Variants in CDA observed in about 807,000 individuals in gnomAD.
CDA encodes the protein cytidine aminohydrolase.
In CDA, 7 loss-of-function variants were observed where a neutral mutation model predicts 15.0. That is an observed-to-expected ratio of 0.47 (90% CI 0.26 to 0.87). The LOEUF is 0.87. Ranked by LOEUF, CDA falls within the 40% of genes least tolerant of loss-of-function variation. CDA has a pLI of 0.15. For synonymous variants in CDA, 58 were observed against 73.0 expected (o/e 0.79, Z 1.05); for missense variants, 159 against 182.7 (o/e 0.87, Z 0.75).
chr1:20,592,722 G>C (rs920224689), intron 1 of CDA, among the ~76,000 whole-genome samples: 12 of 152,182 alleles, frequency 7.9e-5, no homozygotes, highest in African/African-American at 2.7e-4. Flanking sequence ...CTAGGACTGG[G>C]ACAGGTAGAA....
At chr1:20,599,600 G>C (rs1252053240) in intron 1 of CDA, among the ~76,000 whole-genome samples, 1 of 43,474 alleles carries the variant, frequency 2.3e-5, no homozygotes, top group Admixed American at 2.5e-4. Flanking sequence ...CTGGGCGACA[G>C]AGCAAGACTC....
chr1:20,599,855 A>G (rs1570378958), intron 1 of CDA, among the ~76,000 whole-genome samples: 1 of 152,130 alleles, frequency 6.6e-6, no homozygotes, highest in Non-Finnish European at 1.5e-5. Flanking sequence ...AGTGCTTTAC[A>G]CGAGTGATCT....
intron 2 of CDA, among the ~76,000 whole-genome samples, chr1:20,608,898 G>C (rs538919263): frequency 6.6e-6 from 1 of 152,112 alleles, no homozygotes; most frequent in African/African-American, 2.4e-5. Flanking sequence ...TGCATACCCC[G>C]GCCCCTTACA....
chr1:20,617,211 C>T (rs192208938), intron 3 of CDA, among the ~76,000 whole-genome samples: 227 of 152,276 alleles, frequency 1.5e-3, no homozygotes, highest in African/African-American at 5.0e-3. Context: ...CAAGGTCACA[C>T]AGCAAACAAA....
rs1174670170 is a variant in CDA at position 20,606,057 on chromosome 1, C to T, written c.266+1018C>T. Among the ~76,000 whole-genome samples the T allele has an allele frequency of 1.4e-4, 17 of 125,120 alleles. 3 individuals are homozygous for T. The highest frequency in any genetic ancestry group is 1.3e-3 in the Admixed American group (17 of 12,798). 82.1% of individuals were successfully genotyped at this position (125,120 alleles called of 152,430 possible). ...TCCTACACTTTGCCTCAGTCTGGCC[C>T]CAAGGAGACCCAGCTTAATTTGTTT... is the stretch of plus-strand genomic sequence containing the variant. On this transcript the variant is annotated intron_variant, in intron 2 of 3. Transcript: ENST00000375071.
intron 1 of CDA, among the ~76,000 whole-genome samples, chr1:20,597,699 T>C (rs368750290): frequency 6.6e-6 from 1 of 152,218 alleles, no homozygotes; most frequent in South Asian, 2.1e-4. Context: ...CTTATTATTA[T>C]GGATTTCTAA....
Position 20,589,687 on chromosome 1 carries a change from G to A in CDA, c.154+404G>A, listed in dbSNP as rs190262786. On this transcript the variant is annotated intron_variant, in intron 1 of 3. Transcript: ENST00000375071. ...CCCACTGACCTAAGTGTTAATGCTCGTCTTTAGATGAAACTACGGAGGTCT... is the reference window on the plus strand; with the variant it reads ...CCCACTGACCTAAGTGTTAATGCTCATCTTTAGATGAAACTACGGAGGTCT... Among the ~76,000 whole-genome samples the A allele has an allele frequency of 3.0e-3, 462 of 152,276 alleles. 3 individuals are homozygous for A. The highest frequency in any genetic ancestry group is 9.8e-3 in the African/African-American group (406 of 41,556).
chr1:20,610,213 A>G (rs2052733628), intron 2 of CDA, among the ~76,000 whole-genome samples: 2 of 151,916 alleles, frequency 1.3e-5, no homozygotes. Context: ...GAGACAATGC[A>G]TATAAAATGC....
chr1:20,590,089 A>G (rs1298078416), intron 1 of CDA, among the ~76,000 whole-genome samples: 1 of 152,192 alleles, frequency 6.6e-6, no homozygotes, highest in Non-Finnish European at 1.5e-5. Context: ...AGTAGGGGAC[A>G]TGGTGTGGAG....
At chr1:20,593,310 G>A (rs1165485222) in intron 1 of CDA, among the ~76,000 whole-genome samples, 1 of 152,128 alleles carries the variant, frequency 6.6e-6, no homozygotes, top group Non-Finnish European at 1.5e-5. Context: ...ATGACCTCCT[G>A]TAATATCACA....
chr1:20,602,301 T>C (rs1228045805), intron 1 of CDA, among the ~76,000 whole-genome samples: 1 of 152,168 alleles, frequency 6.6e-6, no homozygotes, highest in East Asian at 1.9e-4. Flanking sequence ...TGTGTTTCTC[T>C]GTCCTGCAAA....
At position 20,613,873 on chromosome 1, in the gene CDA, G is replaced by A; in HGVS notation, c.298G>A (p.Gly100Arg). 6.2e-7 allele frequency: 1 copy of A among 1,613,932 alleles called. No homozygotes were observed. Among genetic ancestry groups the A allele is most frequent in the Non-Finnish European group, 8.5e-7 (1 of 1,179,924 alleles). ...GCAAGATGATTTTATCTCTCCATGT[G>A]GGGCCTGCAGGCAAGTCATGAGAGA... ...DMQDDFISPC[G>R]ACRQVMREFG... The change falls in exon 3 of 4, where the codon GGG (glycine) becomes AGG (arginine). Residue 100 changes from glycine to arginine, a missense_variant. Physicochemically the swap from Gly to Arg is moderately radical, Grantham distance 125. Coordinates refer to ENST00000375071, the MANE Select transcript of CDA (RefSeq NM_001785.3).
intron 1 of CDA, among the ~76,000 whole-genome samples, chr1:20,595,842 CAAAAA>C (rs1195136238): frequency 2.7e-5 from 2 of 73,070 alleles, no homozygotes; most frequent in Non-Finnish European, 5.2e-5. Context: ...AAGACTCTCT[CAAAAA>C]AAAAAAAAAA....
At chr1:20,618,421 G>C (rs774298958) in intron 3 of CDA, 31 bp from the exon 4 acceptor site, 1 of 1,341,300 alleles carries the variant, frequency 7.5e-7, no homozygotes, top group South Asian at 1.2e-5. Context: ...GCCACGCTGT[G>C]TCTCTCACGC....
At chr1:20,601,792 G>T (rs575948945) in intron 1 of CDA, among the ~76,000 whole-genome samples, 47 of 152,106 alleles carry the variant, frequency 3.1e-4, no homozygotes, top group Non-Finnish European at 5.9e-4. Context: ...TGATCAACAC[G>T]GAACAAAATA....
chr1:20,610,173 A>G (rs768440150), intron 2 of CDA, among the ~76,000 whole-genome samples: 2 of 151,940 alleles, frequency 1.3e-5, no homozygotes, highest in Non-Finnish European at 2.9e-5. Context: ...AGTGCCCAGC[A>G]CTGCTCAGTA....
intron 2 of CDA, among the ~76,000 whole-genome samples, chr1:20,607,180 G>A (rs777852726): frequency 7.9e-5 from 12 of 152,196 alleles, no homozygotes; most frequent in Non-Finnish European, 1.5e-4. Context: ...GAAATGCAGG[G>A]GTTTAGTGCA....
intron 1 of CDA, among the ~76,000 whole-genome samples, chr1:20,595,119 C>T (rs889180490): frequency 6.6e-6 from 1 of 152,160 alleles, no homozygotes; most frequent in South Asian, 2.1e-4. Context: ...GAGGGTTTAT[C>T]TTCTTCAGCT....
intron 1 of CDA, among the ~76,000 whole-genome samples, chr1:20,597,505 C>T (rs2052601715): frequency 1.3e-5 from 2 of 152,206 alleles, no homozygotes; most frequent in African/African-American, 4.8e-5. Flanking sequence ...CCTCCTGCCA[C>T]CAGCCTTCAC....
Sources: allele counts gnomAD v4.1 joint callset (sites outside exome capture counted in the v4.1 genomes callset), GRCh38; gene constraint gnomAD v4.1.1; transcripts MANE v1.5; gene names NCBI Gene and HGNC (gene_info 2026-07-23, HGNC 2026-07-21).